SGMS1: variants seen among roughly 807,000 people sequenced by gnomAD.
SGMS1 encodes the protein sphingomyelin synthase 1.
Under a neutral mutation model 46.2 loss-of-function variants are expected in SGMS1, and 13 were observed. That is an observed-to-expected ratio of 0.28 (90% confidence interval 0.18 to 0.45). The LOEUF (loss-of-function observed/expected upper bound fraction) is 0.45, where lower values mean the gene tolerates loss of function less well. Ranked by LOEUF, SGMS1 falls within the 20% of genes least tolerant of loss-of-function variation. The pLI, the probability that SGMS1 is intolerant of heterozygous loss-of-function variation, is 1.00. For synonymous variants in SGMS1, 203 were observed against 187.8 expected, an observed-to-expected ratio of 1.08 and a Z score of -0.66; for missense variants, 324 against 519.9, an observed-to-expected ratio of 0.62 and a Z score of 3.66.
chr10:50,448,874 T>C (rs867895878), intron 5 of SGMS1, among the ~76,000 whole-genome samples: 1 of 151,610 alleles, frequency 6.6e-6, no homozygotes, highest in Admixed American at 6.6e-5. Flanking sequence ...AAGAAAACAA[T>C]TAACTTGATT....
intron 3 of SGMS1, among the ~76,000 whole-genome samples, chr10:50,514,202 T>C (rs1837782568): frequency 6.6e-6 from 1 of 152,232 alleles, no homozygotes; most frequent in Non-Finnish European, 1.5e-5. Flanking sequence ...AATGTCCATT[T>C]TTCCAAACTC....
chr10:50,443,609 C>A (rs1198583607), intron 5 of SGMS1, among the ~76,000 whole-genome samples: 2 of 151,724 alleles, frequency 1.3e-5, no homozygotes, highest in African/African-American at 4.8e-5. Context: ...GATTTGTTGC[C>A]AGTAAACCCA....
chr10:50,467,367 C>T (rs1227993356), intron 3 of SGMS1, among the ~76,000 whole-genome samples: 1 of 152,104 alleles, frequency 6.6e-6, no homozygotes. Context: ...CAATCAATAG[C>T]AAGTTAAGTG....
chr10:50,436,870 C>T (rs1286523525), intron 5 of SGMS1, among the ~76,000 whole-genome samples: 1 of 152,146 alleles, frequency 6.6e-6, no homozygotes, highest in African/African-American at 2.4e-5. Flanking sequence ...AGAATTTGGG[C>T]TTCCTCTATG....
chr10:50,369,814 A>G (rs1002712936), intron 6 of SGMS1, among the ~76,000 whole-genome samples: 1 of 152,224 alleles, frequency 6.6e-6, no homozygotes, highest in Non-Finnish European at 1.5e-5. Flanking sequence ...CTTCTAAGAA[A>G]TGCATCATTA....
intron 2 of SGMS1, among the ~76,000 whole-genome samples, chr10:50,586,691 A>G (rs1294087315): frequency 6.6e-6 from 1 of 152,232 alleles, no homozygotes; most frequent in Non-Finnish European, 1.5e-5. Flanking sequence ...AGCAGCAGGA[A>G]TCAGCACAGG....
intron 4 of SGMS1, among the ~76,000 whole-genome samples, chr10:50,465,639 T>C (rs1837319602): frequency 6.6e-6 from 1 of 151,850 alleles, no homozygotes; most frequent in African/African-American, 2.4e-5. Flanking sequence ...TTAAGAAAAT[T>C]AGAGATCAAA....
intron 6 of SGMS1, among the ~76,000 whole-genome samples, chr10:50,384,371 TTC>T (rs1016949343): frequency 6.6e-6 from 1 of 151,086 alleles, no homozygotes; most frequent in Non-Finnish European, 1.5e-5. Context: ...CTTACTTTCT[TTC>T]TCTCTTTCTT....
intron 5 of SGMS1, among the ~76,000 whole-genome samples, chr10:50,457,643 C>A (rs1348275593): frequency 6.6e-6 from 1 of 152,126 alleles, no homozygotes; most frequent in South Asian, 2.1e-4. Context: ...TTAGCTACCA[C>A]GTATAAGTGA....
At chr10:50,417,758 A>G (rs757796420) in intron 6 of SGMS1, among the ~76,000 whole-genome samples, 4 of 152,196 alleles carry the variant, frequency 2.6e-5, no homozygotes, top group Non-Finnish European at 4.4e-5. Context: ...AAGACTTGAT[A>G]ACCCCAAACA....
At chr10:50,376,529 C>T (rs1343823357) in intron 6 of SGMS1, among the ~76,000 whole-genome samples, 1 of 152,132 alleles carries the variant, frequency 6.6e-6, no homozygotes, top group African/African-American at 2.4e-5. Context: ...GTGTGCTGCA[C>T]CCATTAACTC....
At position 50,481,830 on chromosome 10, in the gene SGMS1, A is replaced by G. The variant is rs1380513856; in HGVS notation, c.-497-14898T>C. The stretch of plus-strand genomic sequence containing the variant: ...GAATAATCAGTTTAGAGAGGAACAT[A>G]TATGACCTGATGGAGCTGAAAAACA... On this transcript the variant is annotated intron_variant, in intron 3 of 10. Coordinates refer to ENST00000361781, the MANE Select transcript of SGMS1 (RefSeq NM_147156.4). Among the ~76,000 whole-genome samples the G allele has an allele frequency of 2.0e-4, 30 of 152,234 alleles. 1 individual carries two copies. Among genetic ancestry groups the G allele is most frequent in the East Asian group, 5.8e-4 (3 of 5,194 alleles).
At chr10:50,562,858 T>C (rs1838253906) in intron 2 of SGMS1, among the ~76,000 whole-genome samples, 1 of 152,146 alleles carries the variant, frequency 6.6e-6, no homozygotes, top group Non-Finnish European at 1.5e-5. Flanking sequence ...CCATACTCTT[T>C]AGGAACTAGA....
At chr10:50,422,066 G>A (rs1190913193) in intron 6 of SGMS1, among the ~76,000 whole-genome samples, 2 of 152,076 alleles carry the variant, frequency 1.3e-5, no homozygotes, top group Non-Finnish European at 2.9e-5. Flanking sequence ...AAGCCCTGGG[G>A]AATCTCTCCT....
At chr10:50,592,380 C>G (rs1838550182) in intron 1 of SGMS1, among the ~76,000 whole-genome samples, 1 of 152,148 alleles carries the variant, frequency 6.6e-6, no homozygotes, top group Admixed American at 6.5e-5. Context: ...TTGCCTAGGT[C>G]ATTTTTGGCC....
chr10:50,432,906 CATT>C (rs1368725550), intron 6 of SGMS1, among the ~76,000 whole-genome samples: 2 of 152,288 alleles, frequency 1.3e-5, no homozygotes, highest in Non-Finnish European at 2.9e-5. Context: ...CACTTACTAA[CATT>C]ATTGTTATCA....
Position 50,306,862 on chromosome 10 carries a change from TATAC to T in SGMS1, c.*276_*279del, listed in dbSNP as rs1847187621. On this transcript the variant is annotated 3_prime_UTR_variant, in exon 11 of 11. Coordinates refer to ENST00000361781, the MANE Select transcript of SGMS1 (RefSeq NM_147156.4). The stretch of plus-strand genomic sequence containing the variant: ...AGCTTACATTTATGCTGCTGCATCA[TATAC>T]AAAGGAACATGGTGGTTGCGGGTTA... The T allele has an allele frequency of 1.4e-5, 4 of 287,002 alleles. No individual in the cohort carries two copies. Among genetic ancestry groups the T allele is most frequent in the Non-Finnish European group, 1.9e-5 (3 of 154,934 alleles). The allele number at this position is 287,002 out of a possible 1,614,324, so 17.8% of individuals were successfully genotyped here.
chr10:50,615,956 A>AT (rs1169114360), intron 1 of SGMS1, among the ~76,000 whole-genome samples: 1 of 152,084 alleles, frequency 6.6e-6, no homozygotes, highest in African/African-American at 2.4e-5. Context: ...AAGTACCCAT[A>AT]TTTTTTGTGA....
chr10:50,330,429 G>A (rs1224842521), intron 7 of SGMS1, among the ~76,000 whole-genome samples: 1 of 152,166 alleles, frequency 6.6e-6, no homozygotes, highest in African/African-American at 2.4e-5. Context: ...AGGCTACAGT[G>A]AGTTATGACT....
Sources: gnomAD v4.1 joint callset for allele counts (sites outside exome capture counted in the v4.1 genomes callset) on GRCh38, gnomAD v4.1.1 for gene constraint, MANE v1.5 for transcripts, NCBI Gene and HGNC (gene_info 2026-07-23, HGNC 2026-07-21) for gene names.